The following OCLN variants were observed in gnomAD, a reference collection of about 807,000 sequenced individuals.
OCLN encodes phosphatase 1, regulatory subunit 115.
Under a neutral mutation model 47.9 loss-of-function variants are expected in OCLN, and 21 were observed. The observed-to-expected ratio is 0.44, with a 90% CI of 0.31 to 0.63. The LOEUF is 0.63. OCLN is among the 30% of genes least tolerant of loss of function. The pLI, the probability that OCLN is intolerant of heterozygous loss-of-function variation, is 0.08. For synonymous variants in OCLN, 117 were observed against 198.4 expected, an observed-to-expected ratio of 0.59 and a Z score of 3.45; for missense variants, 360 against 571.0, an observed-to-expected ratio of 0.63 and a Z score of 3.77.
chr5:69,492,755 G>C (rs1049375379), upstream of OCLN: 1 of 152,448 alleles, frequency 6.6e-6, no homozygotes, highest in African/African-American at 2.4e-5. Context: ...AGGAGGGAAA[G>C]GAGAGGGAGA....
chr5:69,501,024 C>T (rs554785276), intron 1 of OCLN, among the ~76,000 whole-genome samples: 1 of 152,068 alleles, frequency 6.6e-6, no homozygotes, highest in Non-Finnish European at 1.5e-5. Context: ...TCAAGCGATT[C>T]TCATGCCTCA....
chr5:69,500,072 A>C (rs1768412735), intron 1 of OCLN, among the ~76,000 whole-genome samples: 2 of 152,226 alleles, frequency 1.3e-5, no homozygotes, highest in South Asian at 4.1e-4. Context: ...GGCCCTAGCC[A>C]ATGGGTTAGT....
chr5:69,515,565 G>T (rs1420927371), intron 4 of OCLN, among the ~76,000 whole-genome samples: 1 of 140,626 alleles, frequency 7.1e-6, no homozygotes, highest in East Asian at 2.2e-4. Flanking sequence ...TCCCGGACGG[G>T]GCGGCTGGCC....
At chr5:69,520,758 C>T (rs531010592) in intron 4 of OCLN, among the ~76,000 whole-genome samples, 1 of 152,124 alleles carries the variant, frequency 6.6e-6, no homozygotes, top group Non-Finnish European at 1.5e-5. Context: ...TCATAGCTCA[C>T]TGCAGCCTCA....
intron 4 of OCLN, among the ~76,000 whole-genome samples, chr5:69,515,940 G>C (rs912835005): frequency 2.0e-5 from 3 of 151,732 alleles, no homozygotes; most frequent in Admixed American, 1.3e-4. Flanking sequence ...AGATGGCATG[G>C]GGGCCGGGAA....
chr5:69,515,866 G>A (rs1380085145), intron 4 of OCLN, among the ~76,000 whole-genome samples: 9 of 150,846 alleles, frequency 6.0e-5, no homozygotes, highest in Non-Finnish European at 8.9e-5. Flanking sequence ...ACGGGGTGGC[G>A]GGGCAGAGGC....
In OCLN at chr5:69,553,933, G is replaced by A; in HGVS notation, c.*262G>A. The A allele has an allele frequency of 2.6e-6, 1 of 390,632 alleles. No individual in the cohort carries two copies. Among genetic ancestry groups the A allele is most frequent in the East Asian group, 5.2e-5 (1 of 19,278 alleles). 24.2% of individuals were successfully genotyped at this position (390,632 alleles called of 1,614,324 possible). ...ATGAAATACTGTTTGAGGTTTTTAA[G>A]CCTTAAAGGAAGGTTCTGGTGTGAA... On this transcript the variant is annotated 3_prime_UTR_variant, in exon 9 of 9. Coordinates refer to ENST00000396442, the MANE Select transcript of OCLN (RefSeq NM_001205254.2).
intron 4 of OCLN, among the ~76,000 whole-genome samples, chr5:69,524,303 A>G (rs1769220297): frequency 6.6e-6 from 1 of 152,240 alleles, no homozygotes; most frequent in Non-Finnish European, 1.5e-5. Flanking sequence ...TAATTACAAT[A>G]CATTACTAAG....
chr5:69,510,251 G>A (rs1768742592), intron 3 of OCLN, among the ~76,000 whole-genome samples: 1 of 152,062 alleles, frequency 6.6e-6, no homozygotes, highest in African/African-American at 2.4e-5. Context: ...CTTTTACGTA[G>A]CATAATGTTT....
intron 5 of OCLN, among the ~76,000 whole-genome samples, chr5:69,536,070 T>C (rs1193262753): frequency 2.6e-5 from 4 of 152,194 alleles, no homozygotes; most frequent in African/African-American, 9.6e-5. Flanking sequence ...TAAGTGGAGA[T>C]TGTGCCATTG....
intron 1 of OCLN, 41 bp from the exon 2 acceptor site, chr5:69,504,136 G>C: frequency 1.3e-6 from 1 of 790,696 alleles, no homozygotes; most frequent in East Asian, 2.5e-5. Flanking sequence ...AAGAAACTGT[G>C]AGCTTAGTAG....
intron 3 of OCLN, among the ~76,000 whole-genome samples, chr5:69,513,183 A>C (rs1031938288): frequency 2.0e-5 from 3 of 152,198 alleles, no homozygotes; most frequent in African/African-American, 7.2e-5. Flanking sequence ...TGTTCCCATT[A>C]GCAGACATCC....
At chr5:69,537,189 CTTTTTTTT>C (rs1157355945) in intron 5 of OCLN, among the ~76,000 whole-genome samples, 46 of 80,610 alleles carry the variant, frequency 5.7e-4, no homozygotes, top group South Asian at 7.8e-4. Context: ...ATTCTATAAG[CTTTTTTTT>C]TTTTTTTTTT....
chr5:69,532,488 T>C (rs1769459680), intron 4 of OCLN, among the ~76,000 whole-genome samples: 1 of 152,228 alleles, frequency 6.6e-6, no homozygotes, highest in Non-Finnish European at 1.5e-5. Context: ...TTTATTTTGA[T>C]TTTTTTCCCA....
chr5:69,533,970 T>C (rs529731003), intron 4 of OCLN, among the ~76,000 whole-genome samples: 1 of 152,234 alleles, frequency 6.6e-6, no homozygotes, highest in East Asian at 1.9e-4. Context: ...TATTAAGGCA[T>C]AATTTCTAAT....
At chr5:69,533,042 TATATACAC>T (rs1769483424) in intron 4 of OCLN, among the ~76,000 whole-genome samples, 1 of 144,612 alleles carries the variant, frequency 6.9e-6, no homozygotes, top group African/African-American at 2.7e-5. Context: ...CACACATGTA[TATATACAC>T]ATATATACAT....
intron 3 of OCLN, among the ~76,000 whole-genome samples, chr5:69,512,729 G>T (rs1768821538): frequency 6.6e-6 from 1 of 152,170 alleles, no homozygotes. Flanking sequence ...TTTTAATAGT[G>T]TTTTATAGTT....
intron 1 of OCLN, among the ~76,000 whole-genome samples, chr5:69,498,675 C>CT (rs200187708): frequency 1.1e-4 from 17 of 148,814 alleles, no homozygotes; most frequent in Non-Finnish European, 2.1e-4. Flanking sequence ...CTCTTGTATA[C>CT]TTTTTTTTTT....
chr5:69,518,862 G>T (rs139839309), intron 4 of OCLN, among the ~76,000 whole-genome samples: 240 of 152,246 alleles, frequency 1.6e-3, no homozygotes, highest in African/African-American at 5.6e-3. Flanking sequence ...CTGATTCGGG[G>T]GGAAAAGAAA....
Sources: gnomAD v4.1 joint callset for allele counts (sites outside exome capture counted in the v4.1 genomes callset) on GRCh38, gnomAD v4.1.1 for gene constraint, MANE v1.5 for transcripts, NCBI Gene and HGNC (gene_info 2026-07-23, HGNC 2026-07-21) for gene names.